The following IGSF9B variants were observed in gnomAD, a reference collection of about 807,000 sequenced individuals.
IGSF9B encodes the protein immunoglobulin superfamily member 9B, also known as protein turtle homolog B.
A neutral mutation model predicts 143.7 loss-of-function variants in IGSF9B; 48 were observed. That is an observed-to-expected ratio of 0.33 (90% CI 0.26 to 0.42). IGSF9B has a LOEUF of 0.42. IGSF9B is among the 20% of genes least tolerant of loss of function. IGSF9B has a pLI of 1.00. For synonymous variants in IGSF9B, 903 were observed against 833.1 expected, an observed-to-expected ratio of 1.08 and a Z score of -1.44; for missense variants, 1,706 against 1,980.0, an observed-to-expected ratio of 0.86 and a Z score of 2.63.
rs539935094 is a variant in IGSF9B at position 133,920,554 on chromosome 11, G to A, written c.3171C>T (p.Phe1057=). The part of the protein sequence containing the change: ...FGGLETPAMM[F]PHQLPPCDVP... ...CATCACAGGGTGGCAGCTGGTGGGGGAACATCATCGCTGGGGTCTCCAGCC... is the reference window on the plus strand; with the variant it reads ...CATCACAGGGTGGCAGCTGGTGGGGAAACATCATCGCTGGGGTCTCCAGCC... The change falls in exon 18 of 20, where the codon TTC becomes TTT. Residue 1057 remains phenylalanine (F), a synonymous_variant. Transcript: ENST00000533871. 2 of 1,612,600 alleles carry A rather than the reference G, an allele frequency of 1.2e-6. No homozygotes were observed. The highest frequency in any genetic ancestry group is 2.2e-5 in the South Asian group (2 of 90,958).
At chr11:133,911,653 T>C (rs543801192) in intron 19 of IGSF9B, among the ~76,000 whole-genome samples, 3 of 152,340 alleles carry the variant, frequency 2.0e-5, no homozygotes, top group African/African-American at 7.2e-5. Context: ...ATCAGATAGA[T>C]TTCCCTTATC....
chr11:133,950,714 A>G (rs1034312538), intron 1 of IGSF9B, among the ~76,000 whole-genome samples: 1 of 152,218 alleles, frequency 6.6e-6, no homozygotes, highest in Non-Finnish European at 1.5e-5. Context: ...CCTGTCTCAG[A>G]AGGCGGCCGG....
intron 4 of IGSF9B, 52 bp from the exon 5 acceptor site, chr11:133,937,545 G>A (rs930997979): frequency 7.1e-7 from 1 of 1,415,028 alleles, no homozygotes; most frequent in Non-Finnish European, 9.9e-7. Context: ...ACCCACCGCT[G>A]CTACCCTCAA....
chr11:133,932,346 AGACAGACACAGG>A, intron 7 of IGSF9B, 133 bp from the exon 8 acceptor site: 3 of 916,294 alleles, frequency 3.3e-6, no homozygotes, highest in Non-Finnish European at 5.0e-6. Flanking sequence ...ACAGACAGAC[AGACAGACACAGG>A]GACAGACAGA....
chr11:133,902,361 CAAT>C lies in IGSF9B; in HGVS notation c.*6705_*6707del, dbSNP rs1191447720. Among the ~76,000 whole-genome samples the C allele has an allele frequency of 6.9e-6, 1 of 145,616 alleles. No homozygotes were observed. Among genetic ancestry groups the C allele is most frequent in the African/African-American group, 2.5e-5 (1 of 39,366 alleles). ...CACCCCACACACATACACAACCACA[CAAT>C]AGACACACCACACACAACACACCAC... On this transcript the variant is annotated 3_prime_UTR_variant, in exon 20 of 20. Transcript: ENST00000533871.
At position 133,945,177 on chromosome 11, in the gene IGSF9B, C is replaced by T. The variant is rs1299543478; in HGVS notation, c.263-811G>A. 6.6e-6 allele frequency among the ~76,000 whole-genome samples: 1 copy of T among 152,226 alleles called. No individual in the cohort carries two copies. The highest frequency in any genetic ancestry group is 1.5e-5 in the Non-Finnish European group (1 of 68,040). ...AGCAGCCCTCGAGGTCGGCCCACCT[C>T]ACCCGCTCTTAGCTCACCCCTCACC... On this transcript the variant is annotated intron_variant, in intron 2 of 19. Transcript: ENST00000533871. The surrounding 1 kb of genome is among the most constrained non-coding windows in gnomAD (Gnocchi z 4.6).
In IGSF9B at chr11:133,903,139, G is replaced by A. The variant is rs1012083853; in HGVS notation, c.*5930C>T. Among the ~76,000 whole-genome samples the A allele has an allele frequency of 6.6e-6, 1 of 152,112 alleles. No homozygotes were observed. The highest frequency in any genetic ancestry group is 1.5e-5 in the Non-Finnish European group (1 of 68,026). On this transcript the variant is annotated 3_prime_UTR_variant, in exon 20 of 20. Transcript: ENST00000533871. ...AAAGGGAAGGGAAGCTAACTGGTGT[G>A]TATACGGGGTGGCGAGGGAGAACCT...
rs1016244255 is a variant in IGSF9B, at chr11:133,900,938, C to T, written c.*8131G>A. 3.3e-5 allele frequency: 5 copies of T among 152,224 alleles called. No homozygotes were observed. The highest frequency in any genetic ancestry group is 1.2e-4 in the African/African-American group (5 of 41,450). 9.4% of individuals were successfully genotyped at this position (152,224 alleles called of 1,614,324 possible). A position where few individuals can be genotyped will look rare whatever the true frequency, so the allele number is the denominator to read the frequency against. On this transcript the variant is annotated 3_prime_UTR_variant, in exon 20 of 20. Coordinates refer to ENST00000533871, the MANE Select transcript of IGSF9B (RefSeq NM_001277285.4). Reference sequence around the variant, plus strand: ...GTCACCGTAGGTCCCTAGGTAGTCTCAACCACCCCCTTTCTAATGCTGTGA... The same window carrying T: ...GTCACCGTAGGTCCCTAGGTAGTCTTAACCACCCCCTTTCTAATGCTGTGA...
Position 133,920,853 on chromosome 11 carries a change from G to A in IGSF9B, c.2872C>T (p.Pro958Ser). 6.2e-7 allele frequency: 1 copy of A among 1,601,972 alleles called. No homozygotes were observed. The highest frequency in any genetic ancestry group is 1.7e-5 in the Admixed American group (1 of 59,042). Residue 958 changes from proline to serine, a missense_variant, in exon 18 of 20, where the codon CCC becomes TCC. Transcript: ENST00000533871. Reference protein sequence around the residue: ...QATGQARPPAPRPFHHGQYYG... With the variant: ...QATGQARPPASRPFHHGQYYG... ...TACTGGCCATGGTGGAAGGGCCGGGGGGCAGGGGGCCGGGCCTGGCCTGTG... is the reference window on the plus strand; with the variant it reads ...TACTGGCCATGGTGGAAGGGCCGGGAGGCAGGGGGCCGGGCCTGGCCTGTG...
chr11:133,933,122 G>A (rs1939763772), intron 7 of IGSF9B, among the ~76,000 whole-genome samples: 1 of 152,170 alleles, frequency 6.6e-6, no homozygotes, highest in East Asian at 1.9e-4. Flanking sequence ...AGTGTCTGGA[G>A]GCACTCAGAT....
In IGSF9B at chr11:133,921,210, C is replaced by T; in HGVS notation, c.2515G>A (p.Ala839Thr). The change falls in exon 18 of 20, where the codon GCC becomes ACC. Residue 839 changes from alanine to threonine, a missense_variant. Physicochemically the swap from Ala to Thr is moderately conservative, Grantham distance 58. Around this residue, in one of 7 missense-constraint regions of IGSF9B, gnomAD observed 135 missense variants for 181.3 expected, o/e 0.74. Coordinates refer to ENST00000533871, the MANE Select transcript of IGSF9B (RefSeq NM_001277285.4). ...ATGGGCGTGGTGGCCTCTGCCTCGG[C>T]CTCTGCCTTGGCCACGCTGTACTTC... ...SKKYSVAKAE[A>T]EAEATTPIEL... The T allele has an allele frequency of 1.2e-6, 2 of 1,609,438 alleles. No homozygotes were observed. Among genetic ancestry groups the T allele is most frequent in the Non-Finnish European group, 1.7e-6 (2 of 1,177,820 alleles).
At position 133,920,901 on chromosome 11, in the gene IGSF9B, C is replaced by A. The variant is rs1264236638; in HGVS notation, c.2824G>T (p.Gly942Cys). Residue 942 changes from glycine to cysteine, a missense_variant, in exon 18 of 20, where the codon GGC becomes TGC. Physicochemically the swap from Gly to Cys is radical, Grantham distance 159 (BLOSUM62 -3). Transcript: ENST00000533871. The stretch of plus-strand genomic sequence containing the variant: ...GTGGCCTGAAGCCGACCTTCCAGGC[C>A]ACCGGGGCCCTCCAGCCCGCGGGGC... ...FQPRGLEGPG[G>C]LEGRLQATGQ... 4.4e-6 allele frequency: 7 copies of A among 1,608,868 alleles called. No individual in the cohort carries two copies.
intron 3 of IGSF9B, among the ~76,000 whole-genome samples, chr11:133,939,552 T>C (rs914052121): frequency 6.6e-6 from 1 of 152,232 alleles, no homozygotes; most frequent in Non-Finnish European, 1.5e-5. Flanking sequence ...AAATGAGTGG[T>C]GTTCACACAT....
At chr11:133,949,040 GCCAGC>G (rs1440947616) in intron 1 of IGSF9B, among the ~76,000 whole-genome samples, 1 of 152,114 alleles carries the variant, frequency 6.6e-6, no homozygotes. Context: ...CCCAGCCCCA[GCCAGC>G]CCCTGGGCTA....
chr11:133,934,417 A>C (rs1939786186), intron 7 of IGSF9B, among the ~76,000 whole-genome samples: 1 of 152,188 alleles, frequency 6.6e-6, no homozygotes. Flanking sequence ...GCTTGGGCAC[A>C]TCCTAAGTCA....
At chr11:133,951,273 G>T (rs1565452843) in intron 1 of IGSF9B, among the ~76,000 whole-genome samples, 2 of 152,314 alleles carry the variant, frequency 1.3e-5, no homozygotes, top group East Asian at 3.9e-4. Flanking sequence ...TCTGCCTGCG[G>T]GAAAGCCCCC....
rs79998392 is a variant in IGSF9B at position 133,948,527 on chromosome 11, G to A, written c.65-2269C>T. ...ACAGCCCCAGGGGCCCTCAGCAGGA[G>A]AGGCTGCCTCCCAGCAGCCAGGATC... On this transcript the variant is annotated intron_variant, in intron 1 of 19. Transcript: ENST00000533871. The surrounding 1 kb of genome is among the most constrained non-coding windows in gnomAD (Gnocchi z 4.7). Among the ~76,000 whole-genome samples the A allele has an allele frequency of 6.6e-6, 1 of 152,066 alleles. No homozygotes were observed. Among genetic ancestry groups the A allele is most frequent in the Non-Finnish European group, 1.5e-5 (1 of 68,030 alleles).
At chr11:133,910,273 G>A (rs976844330) in intron 19 of IGSF9B, among the ~76,000 whole-genome samples, 2 of 152,162 alleles carry the variant, frequency 1.3e-5, no homozygotes, top group African/African-American at 2.4e-5. Flanking sequence ...CCTGCAGTTC[G>A]CCGTGGTGGC....
chr11:133,942,724 A>G (rs1939973990), intron 3 of IGSF9B, among the ~76,000 whole-genome samples: 1 of 152,162 alleles, frequency 6.6e-6, no homozygotes, highest in Non-Finnish European at 1.5e-5. Context: ...TCCTAATTAC[A>G]CTTTGCTTGG....
Sources: gnomAD v4.1 joint callset for allele counts (sites outside exome capture counted in the v4.1 genomes callset) on GRCh38, gnomAD v4.1.1 for gene constraint, gnomAD v4.1.1 regional missense constraint, Gnocchi (gnomAD v3.1) non-coding constraint, MANE v1.5 for transcripts, NCBI Gene and HGNC (gene_info 2026-07-23, HGNC 2026-07-21) for gene names.